Variants in SEMA3D observed in about 807,000 individuals in gnomAD.
SEMA3D encodes semaphorin-3D.
Under a neutral mutation model 100.1 loss-of-function variants are expected in SEMA3D, and 84 were observed. The ratio of observed to expected loss-of-function variants is 0.84; its 90% CI spans 0.70 to 1.01. The LOEUF (loss-of-function observed/expected upper bound fraction) is 1.01, where lower values mean the gene tolerates loss of function less well. Among genes scored for constraint, SEMA3D ranks in the 50% least tolerant of loss-of-function variants. The probability of loss-of-function intolerance (pLI) is 0.00; values close to 1 mark genes in which losing one functional copy is unlikely to be tolerated. For missense variants in SEMA3D, 875 were observed against 934.1 expected (o/e 0.94, Z 0.82); for synonymous variants, 312 against 320.7 (o/e 0.97, Z 0.29).
At chr7:85,138,241 G>T (rs1349070445) in intron 2 of SEMA3D, among the ~76,000 whole-genome samples, 1 of 151,998 alleles carries the variant, frequency 6.6e-6, no homozygotes, top group East Asian at 1.9e-4. Flanking sequence ...GGAATAAAAT[G>T]TTCTGTAAAT....
chr7:85,247,268 G>C, the SEMA3D span, among the ~76,000 whole-genome samples: 2 of 152,004 alleles, frequency 1.3e-5, no homozygotes, highest in African/African-American at 4.8e-5. Flanking sequence ...TCCACACACA[G>C]AAACATTTGA....
At chr7:85,198,690 G>C in the SEMA3D span, among the ~76,000 whole-genome samples, 1 of 151,198 alleles carries the variant, frequency 6.6e-6, no homozygotes, top group East Asian at 1.9e-4. Flanking sequence ...TTAGGTTTAT[G>C]TTTTCTTTCT....
chr7:85,173,014 A>G (rs1791126249), intron 1 of SEMA3D, among the ~76,000 whole-genome samples: 1 of 152,086 alleles, frequency 6.6e-6, no homozygotes, highest in East Asian at 1.9e-4. Context: ...CACAAAAGAA[A>G]CAAGGTTGTA....
chr7:85,038,054 G>C (rs984126242), intron 11 of SEMA3D, among the ~76,000 whole-genome samples: 4 of 140,054 alleles, frequency 2.9e-5, no homozygotes, highest in East Asian at 2.5e-4. Context: ...TGTGGGGTGG[G>C]GGGGAGGGGG....
chr7:85,013,297 A>G (rs963800086), intron 16 of SEMA3D, among the ~76,000 whole-genome samples: 1 of 151,774 alleles, frequency 6.6e-6, no homozygotes, highest in Non-Finnish European at 1.5e-5. Context: ...GTAAAGATTC[A>G]TTATTGCATA....
intron 2 of SEMA3D, among the ~76,000 whole-genome samples, chr7:85,148,725 T>C (rs577806762): frequency 6.6e-6 from 1 of 152,054 alleles, no homozygotes; most frequent in African/African-American, 2.4e-5. Context: ...GTTAGAAACT[T>C]TGAAAAAAAT....
At chr7:85,131,635 CA>C (rs1158639270) in intron 2 of SEMA3D, among the ~76,000 whole-genome samples, 6 of 151,952 alleles carry the variant, frequency 3.9e-5, no homozygotes, top group African/African-American at 1.4e-4. Context: ...AAGGGGAAAA[CA>C]AATTTTAAAA....
In SEMA3D at chr7:84,996,347, C is replaced by G. The variant is rs1789499324; in HGVS notation, c.*3093G>C. 6.6e-6 allele frequency: 1 copy of G among 151,842 alleles called. No individual in the cohort carries two copies. Among genetic ancestry groups the G allele is most frequent in the African/African-American group, 2.4e-5 (1 of 41,410 alleles). The allele number at this position is 151,842 out of a possible 1,614,324, so 9.4% of individuals were successfully genotyped here. Reference sequence around the variant, plus strand: ...CAAAAGCAAAATTCAAGAGTAAGACCATTTTGTAGCCAGCATATTGTAAAG... The same window carrying G: ...CAAAAGCAAAATTCAAGAGTAAGACGATTTTGTAGCCAGCATATTGTAAAG... On this transcript the variant is annotated 3_prime_UTR_variant, in exon 19 of 19. Coordinates refer to ENST00000284136, the MANE Select transcript of SEMA3D (RefSeq NM_001384900.1).
the SEMA3D span, among the ~76,000 whole-genome samples, chr7:85,224,514 A>G: frequency 6.6e-6 from 1 of 152,152 alleles, no homozygotes; most frequent in Non-Finnish European, 1.5e-5. Context: ...TTTGTAGGTA[A>G]AAAAAGTGAG....
the SEMA3D span, among the ~76,000 whole-genome samples, chr7:85,220,248 T>A: frequency 6.6e-6 from 1 of 152,006 alleles, no homozygotes; most frequent in African/African-American, 2.4e-5. Flanking sequence ...GACACTTTGG[T>A]TTGGTTTCTT....
Position 85,171,849 on chromosome 7 carries a change from C to G in SEMA3D, c.-173+14829G>C, listed in dbSNP as rs534319227. 5.3e-5 allele frequency among the ~76,000 whole-genome samples: 8 copies of G among 151,812 alleles called. No homozygotes were observed. In the South Asian group the frequency reaches 1.0e-3, roughly 20 times the overall value. On this transcript the variant is annotated intron_variant, in intron 1 of 18. Coordinates refer to ENST00000284136, the MANE Select transcript of SEMA3D (RefSeq NM_001384900.1). Reference sequence around the variant, plus strand: ...AAATGAACTTTGAATTGACTTGACTCAGTTTTAGTCTTTAAAATTGTTTCC... The same window carrying G: ...AAATGAACTTTGAATTGACTTGACTGAGTTTTAGTCTTTAAAATTGTTTCC...
the SEMA3D span, among the ~76,000 whole-genome samples, chr7:85,240,790 A>G: frequency 6.6e-6 from 1 of 152,180 alleles, no homozygotes; most frequent in African/African-American, 2.4e-5. Flanking sequence ...TTTTGCTCAT[A>G]GCATCCCTTT....
intron 5 of SEMA3D, among the ~76,000 whole-genome samples, chr7:85,077,119 A>AC (rs1180059136): frequency 2.0e-5 from 3 of 151,324 alleles, no homozygotes; most frequent in Admixed American, 2.0e-4. Flanking sequence ...AAAAAAAAAA[A>AC]AAACTTTAAA....
chr7:85,055,375 A>G (rs564398244), intron 9 of SEMA3D, among the ~76,000 whole-genome samples: 19 of 152,088 alleles, frequency 1.2e-4, no homozygotes, highest in South Asian at 8.3e-4. Context: ...CTGGCAAAAG[A>G]ATAGACCTTC....
intron 14 of SEMA3D, among the ~76,000 whole-genome samples, chr7:85,018,698 G>A (rs1469060702): frequency 6.6e-6 from 1 of 151,682 alleles, no homozygotes; most frequent in Admixed American, 6.6e-5. Flanking sequence ...GGTTCAAAAA[G>A]TTGTTTAAGT....
intron 3 of SEMA3D, among the ~76,000 whole-genome samples, chr7:85,117,163 G>A (rs995858427): frequency 6.6e-6 from 1 of 152,080 alleles, no homozygotes; most frequent in Non-Finnish European, 1.5e-5. Flanking sequence ...CGCACTTGAG[G>A]CCCTGAGCAA....
the SEMA3D span, among the ~76,000 whole-genome samples, chr7:85,216,057 C>T: frequency 6.6e-6 from 1 of 151,992 alleles, no homozygotes; most frequent in African/African-American, 2.4e-5. Flanking sequence ...TATATAATGG[C>T]AAACTATCAC....
chr7:85,083,444 C>T (rs1430670407), intron 4 of SEMA3D, among the ~76,000 whole-genome samples: 1 of 152,196 alleles, frequency 6.6e-6, no homozygotes, highest in East Asian at 1.9e-4. Context: ...CTGCAGCTGG[C>T]CCAAAATTGG....
intron 2 of SEMA3D, among the ~76,000 whole-genome samples, chr7:85,137,779 A>G (rs1288669906): frequency 6.6e-6 from 1 of 152,116 alleles, no homozygotes; most frequent in Admixed American, 6.6e-5. Flanking sequence ...TTATTCCTCA[A>G]TGTGCACTCC....
Sources: gnomAD v4.1 joint callset for allele counts (sites outside exome capture counted in the v4.1 genomes callset) on GRCh38, gnomAD v4.1.1 for gene constraint, MANE v1.5 for transcripts, NCBI Gene and HGNC (gene_info 2026-07-23, HGNC 2026-07-21) for gene names.